The following ZC3H11A variants were observed in gnomAD, a reference collection of about 807,000 sequenced individuals.
ZC3H11A encodes the protein zinc finger CCCH domain-containing protein 11A.
In ZC3H11A, 22 loss-of-function variants were observed where a neutral mutation model predicts 90.8. The observed-to-expected ratio is 0.24, with a 90% CI of 0.17 to 0.35. The LOEUF is 0.35. ZC3H11A is among the 10% of genes least tolerant of loss of function. ZC3H11A has a pLI of 1.00. For synonymous variants in ZC3H11A, 294 were observed against 339.8 expected (o/e 0.87, Z 1.48); for missense variants, 701 against 964.9 (o/e 0.73, Z 3.62).
At chr1:203,800,684 C>G (rs906886085) in intron 1 of ZC3H11A, 8 of 390,548 alleles carry the variant, frequency 2.0e-5, no homozygotes, top group Non-Finnish European at 3.1e-5. Context: ...TTTGCTTATA[C>G]CAATGAGAGA....
chr1:203,843,415 T>C (rs1687020377), intron 12 of ZC3H11A, among the ~76,000 whole-genome samples: 1 of 152,238 alleles, frequency 6.6e-6, no homozygotes, highest in East Asian at 1.9e-4. Flanking sequence ...GTTGGAACTT[T>C]GGGACATATG....
intron 1 of ZC3H11A, chr1:203,799,809 C>G: frequency 7.3e-7 from 1 of 1,362,672 alleles, no homozygotes; most frequent in Non-Finnish European, 1.0e-6. Context: ...TAAATCCAAG[C>G]CCTGTATCTT....
rs183964623 is a variant in ZC3H11A at position 203,817,288 on chromosome 1, G to C, written c.54+164G>C. Among the ~76,000 whole-genome samples, 401 of 152,160 alleles carry C rather than the reference G, an allele frequency of 2.6e-3. 1 individual carries two copies. The highest frequency in any genetic ancestry group is 5.2e-3 in the Admixed American group (79 of 15,266). On this transcript the variant is annotated intron_variant, in intron 3 of 17. Coordinates refer to ENST00000367210, the MANE Select transcript of ZC3H11A (RefSeq NM_001376342.1). ...AGGATAATGTATTTAGGGTAATTCA[G>C]TGTTTTTTTCTTTTCATTTTATATA...
chr1:203,816,862 C>T, intron 2 of ZC3H11A, 64 bp from the exon 3 acceptor site: 1 of 490,022 alleles, frequency 2.0e-6, no homozygotes, highest in Non-Finnish European at 3.7e-6. Flanking sequence ...TCTCATTAGC[C>T]ATGGTGATTT....
intron 12 of ZC3H11A, among the ~76,000 whole-genome samples, chr1:203,843,551 C>T (rs1687066867): frequency 6.6e-6 from 1 of 152,142 alleles, no homozygotes; most frequent in Non-Finnish European, 1.5e-5. Context: ...ATATAAATAA[C>T]TTTGCAGTCC....
intron 10 of ZC3H11A, chr1:203,835,693 C>G (rs563638385): frequency 1.2e-5 from 3 of 250,044 alleles, no homozygotes; most frequent in South Asian, 7.6e-5. Context: ...GCTTGAGTTA[C>G]CTTTCCCCAG....
chr1:203,801,020 C>T (rs1318294540), intron 1 of ZC3H11A: 4 of 152,072 alleles, frequency 2.6e-5, no homozygotes, highest in Non-Finnish European at 5.9e-5. Flanking sequence ...GATAGTGTTA[C>T]CCTTTAGAAT....
intron 11 of ZC3H11A, among the ~76,000 whole-genome samples, chr1:203,839,316 A>G (rs1342036629): frequency 6.6e-6 from 1 of 152,222 alleles, no homozygotes; most frequent in East Asian, 1.9e-4. Flanking sequence ...AGCTGGAAGT[A>G]CAGGAATGCA....
intron 11 of ZC3H11A, among the ~76,000 whole-genome samples, chr1:203,838,340 C>A (rs1017620111): frequency 6.6e-6 from 1 of 152,164 alleles, no homozygotes; most frequent in African/African-American, 2.4e-5. Context: ...GAAAAGTACA[C>A]AGTGTTATGG....
At chr1:203,821,422 A>G (rs911408163) in intron 4 of ZC3H11A, among the ~76,000 whole-genome samples, 6 of 152,024 alleles carry the variant, frequency 3.9e-5, no homozygotes, top group African/African-American at 9.7e-5. Context: ...CTCTGTTACT[A>G]TCATTACTTT....
Position 203,849,976 on chromosome 1 carries a change from C to T in ZC3H11A, c.1889C>T (p.Ser630Leu), listed in dbSNP as rs188389997. Residue 630 changes from serine to leucine, a missense_variant, in exon 15 of 18, where the codon TCA (serine) becomes TTA (leucine). By Grantham distance (145) the Ser-to-Leu change is moderately radical (BLOSUM62 -2). Coordinates refer to ENST00000367210, the MANE Select transcript of ZC3H11A (RefSeq NM_001376342.1). ...VEVETSGIGD[S>L]LLNVKCAAQT... is the part of the protein sequence containing the mutation. The stretch of plus-strand genomic sequence containing the variant: ...GTAGAAACCTCAGGGATTGGAGACT[C>T]ATTATTGAATGTGAAATGTGCAGCA... 6 of 1,613,936 alleles carry T rather than the reference C, an allele frequency of 3.7e-6. No individual in the cohort carries two copies. In the Admixed American group the frequency reaches 8.3e-5, roughly 22 times the overall value.
chr1:203,813,639 G>T (rs1271876970), intron 2 of ZC3H11A, among the ~76,000 whole-genome samples: 4 of 152,108 alleles, frequency 2.6e-5, no homozygotes, highest in African/African-American at 7.2e-5. Flanking sequence ...GAAGTTTGTT[G>T]TCTCACAATT....
chr1:203,831,650 G>A lies in ZC3H11A; in HGVS notation c.701-11G>A, dbSNP rs766791281. The A allele has an allele frequency of 6.2e-7, 1 of 1,605,936 alleles. No individual in the cohort carries two copies. The highest frequency in any genetic ancestry group is 8.5e-7 in the Non-Finnish European group (1 of 1,175,094). On this transcript the variant is annotated splice_polypyrimidine_tract_variant and intron_variant, in intron 8 of 17. Transcript: ENST00000367210. ...TAAATTATTTGCTGTTCTTTGACTTGCCTTATTCAGAGGGTTCTTCAGGAG... is the reference window on the plus strand; with the variant it reads ...TAAATTATTTGCTGTTCTTTGACTTACCTTATTCAGAGGGTTCTTCAGGAG...
Position 203,852,917 on chromosome 1 carries a change from A to G in ZC3H11A, c.*518A>G, listed in dbSNP as rs890731907. 5 of 164,364 alleles carry G rather than the reference A, an allele frequency of 3.0e-5. No homozygotes were observed. Among genetic ancestry groups the G allele is most frequent in the South Asian group, 3.1e-4 (2 of 6,408 alleles). 10.2% of individuals were successfully genotyped at this position (164,364 alleles called of 1,614,324 possible). On this transcript the variant is annotated 3_prime_UTR_variant, in exon 18 of 18. Coordinates refer to ENST00000367210, the MANE Select transcript of ZC3H11A (RefSeq NM_001376342.1). ...CTTTTTAAAGGTATTTAAAGATTCA[A>G]CTAAGCTTTAAAGAGGGCTGAGCAG... is the stretch of plus-strand genomic sequence containing the variant.
At chr1:203,840,722 C>T (rs1224937024) in intron 12 of ZC3H11A, among the ~76,000 whole-genome samples, 1 of 151,998 alleles carries the variant, frequency 6.6e-6, no homozygotes, top group African/African-American at 2.4e-5. Context: ...CAACCTCCAC[C>T]TCCTGGGTTC....
intron 12 of ZC3H11A, among the ~76,000 whole-genome samples, chr1:203,845,184 A>G (rs933608936): frequency 3.3e-5 from 5 of 152,126 alleles, no homozygotes; most frequent in Admixed American, 3.3e-4. Context: ...AAATTCTTCA[A>G]GATGTATGCT....
intron 10 of ZC3H11A, chr1:203,835,879 CA>C: frequency 8.1e-6 from 2 of 246,682 alleles, no homozygotes; most frequent in Non-Finnish European, 8.8e-6. Flanking sequence ...TTATAGCCAG[CA>C]AAAATGCCCT....
At chr1:203,798,511 A>G in intron 1 of ZC3H11A, 1 of 1,536,130 alleles carries the variant, frequency 6.5e-7, no homozygotes, top group South Asian at 1.2e-5. Context: ...GCTGTTGCAA[A>G]TGGATTAGAT....
chr1:203,823,615 T>G (rs1679497000), intron 4 of ZC3H11A, among the ~76,000 whole-genome samples: 1 of 152,228 alleles, frequency 6.6e-6, no homozygotes, highest in Non-Finnish European at 1.5e-5. Context: ...AGAGCAAGCC[T>G]TGCAAGCAGG....
Sources: gnomAD v4.1 joint callset for allele counts (sites outside exome capture counted in the v4.1 genomes callset) on GRCh38, gnomAD v4.1.1 for gene constraint, MANE v1.5 for transcripts, NCBI Gene and HGNC (gene_info 2026-07-23, HGNC 2026-07-21) for gene names.